The following EYA4 variants were observed in gnomAD, a reference collection of about 807,000 sequenced individuals.
The protein encoded by EYA4 is EYA transcriptional coactivator and phosphatase 4.
In EYA4, 31 loss-of-function variants were observed where a neutral mutation model predicts 87.9. The ratio of observed to expected loss-of-function variants is 0.35; its 90% confidence interval spans 0.27 to 0.48. The LOEUF is 0.48. Ranked by LOEUF, EYA4 falls within the 20% of genes least tolerant of loss-of-function variation. EYA4 has a pLI of 0.99. For synonymous variants in EYA4, 263 were observed against 270.6 expected (o/e 0.97, Z 0.28); for missense variants, 678 against 761.4 (o/e 0.89, Z 1.29).
In EYA4 at chr6:133,422,509, C is replaced by T. The variant is rs998117796; in HGVS notation, c.84-24121C>T. Among the ~76,000 whole-genome samples, 3 of 152,264 alleles carry T rather than the reference C, an allele frequency of 2.0e-5. No individual in the cohort carries two copies. In the East Asian group the frequency reaches 5.8e-4, roughly 29 times the overall value. ...TTGTAATTATATGGCATAGACTATG[C>T]TCTCTTTTAGATAGACATTTAAGTT... is the stretch of plus-strand genomic sequence containing the variant. On this transcript the variant is annotated intron_variant, in intron 3 of 19. Transcript: ENST00000355286.
intron 1 of EYA4, among the ~76,000 whole-genome samples, chr6:133,266,350 AC>A (rs1356892287): frequency 1.3e-5 from 2 of 152,078 alleles, no homozygotes; most frequent in African/African-American, 2.4e-5. Context: ...ATGGCCAGCA[AC>A]CCCCAGAAGC....
At chr6:133,491,951 CAAAAAAAAA>C (rs34316449) in intron 13 of EYA4, among the ~76,000 whole-genome samples, 2 of 83,740 alleles carry the variant, frequency 2.4e-5, no homozygotes, top group South Asian at 5.0e-4. Flanking sequence ...AACTCCGTCT[CAAAAAAAAA>C]AAAAAAAAAA....
In EYA4 at chr6:133,529,564, T is replaced by C. The variant is rs1208705842; in HGVS notation, c.*759T>C. 1 of 979,418 alleles carries C rather than the reference T, an allele frequency of 1.0e-6. No individual in the cohort carries two copies. The highest frequency in any genetic ancestry group is 1.8e-5 in the African/African-American group (1 of 56,200). 60.7% of individuals were successfully genotyped at this position (979,418 alleles called of 1,614,324 possible). A position where few individuals can be genotyped will look rare whatever the true frequency, so the allele number is the denominator to read the frequency against. The stretch of plus-strand genomic sequence containing the variant: ...AAAACCTTTGTGATGATTCTTAACA[T>C]GACCAAATTTAAAAGTCAAGCTCTC... On this transcript the variant is annotated 3_prime_UTR_variant, in exon 20 of 20. Coordinates refer to ENST00000355286, the MANE Select transcript of EYA4 (RefSeq NM_004100.5).
intron 3 of EYA4, among the ~76,000 whole-genome samples, chr6:133,419,012 A>G (rs1789989441): frequency 6.6e-6 from 1 of 152,150 alleles, no homozygotes; most frequent in South Asian, 2.1e-4. Context: ...CACTCATAGG[A>G]CATAGGGTGG....
chr6:133,496,843 G>A (rs1797684616), intron 13 of EYA4, among the ~76,000 whole-genome samples: 2 of 152,174 alleles, frequency 1.3e-5, no homozygotes, highest in Admixed American at 1.3e-4. Context: ...AAAGGCAGAT[G>A]TTTTCAGACC....
At chr6:133,495,382 ATATT>A (rs1405463724) in intron 13 of EYA4, among the ~76,000 whole-genome samples, 11 of 148,252 alleles carry the variant, frequency 7.4e-5, no homozygotes, top group Admixed American at 1.3e-4. Context: ...AAATATAAAT[ATATT>A]CATTTATTTA....
At chr6:133,356,671 G>GAA (rs1156886406) in intron 2 of EYA4, among the ~76,000 whole-genome samples, 1 of 151,150 alleles carries the variant, frequency 6.6e-6, no homozygotes, top group East Asian at 1.9e-4. Flanking sequence ...TAGTGAATGT[G>GAA]AAAGAGTTAT....
At chr6:133,524,536 TAGC>T (rs1800460688) in intron 18 of EYA4, among the ~76,000 whole-genome samples, 1 of 152,192 alleles carries the variant, frequency 6.6e-6, no homozygotes, top group African/African-American at 2.4e-5. Flanking sequence ...ACAGCACCCT[TAGC>T]AGAAGTTATT....
intron 2 of EYA4, among the ~76,000 whole-genome samples, chr6:133,297,685 C>T (rs575795326): frequency 7.4e-4 from 112 of 152,330 alleles, no homozygotes; most frequent in South Asian, 4.1e-3. Flanking sequence ...TCCTTACTTT[C>T]CTGCCATCCC....
At chr6:133,428,911 C>CTTTT (rs58727159) in intron 3 of EYA4, among the ~76,000 whole-genome samples, 4,467 of 47,952 alleles carry the variant, frequency 0.093, 1,512 homozygotes, top group Non-Finnish European at 0.12. Context: ...GATTTAGCTT[C>CTTTT]TTTTTTTTTT....
At chr6:133,520,580 A>G (rs1328831703) in intron 17 of EYA4, among the ~76,000 whole-genome samples, 1 of 124,456 alleles carries the variant, frequency 8.0e-6, no homozygotes, top group African/African-American at 3.1e-5. Flanking sequence ...TTACAGATTC[A>G]ATGCCATCCC....
intron 2 of EYA4, among the ~76,000 whole-genome samples, chr6:133,322,611 G>A (rs1345707763): frequency 2.6e-5 from 4 of 152,050 alleles, no homozygotes; most frequent in Admixed American, 2.6e-4. Context: ...TAGTAGCTGG[G>A]CCTAATTTTC....
At chr6:133,326,549 G>C (rs1432163697) in intron 2 of EYA4, among the ~76,000 whole-genome samples, 1 of 152,176 alleles carries the variant, frequency 6.6e-6, no homozygotes, top group African/African-American at 2.4e-5. Flanking sequence ...GTGTGTTATT[G>C]GTGTGGACCA....
chr6:133,394,554 T>G (rs542958752), intron 3 of EYA4, among the ~76,000 whole-genome samples: 1 of 151,906 alleles, frequency 6.6e-6, no homozygotes, highest in Non-Finnish European at 1.5e-5. Context: ...ACAGACATAT[T>G]TGAGAATTAC....
At chr6:133,518,334 G>C (rs2128798538) in intron 17 of EYA4, among the ~76,000 whole-genome samples, 1 of 152,182 alleles carries the variant, frequency 6.6e-6, no homozygotes, top group East Asian at 1.9e-4. Flanking sequence ...ACAAGGAAGG[G>C]AGGAGAAAAA....
chr6:133,398,419 T>C (rs1486552231), intron 3 of EYA4, among the ~76,000 whole-genome samples: 1 of 152,242 alleles, frequency 6.6e-6, no homozygotes, highest in African/African-American at 2.4e-5. Context: ...TTGAAGCTGT[T>C]ATCAGTTGGT....
chr6:133,525,668 G>A (rs1800580135), intron 19 of EYA4, among the ~76,000 whole-genome samples: 2 of 152,094 alleles, frequency 1.3e-5, no homozygotes, highest in South Asian at 4.1e-4. Context: ...TTAAGCACAT[G>A]AAATTTAGCA....
intron 11 of EYA4, among the ~76,000 whole-genome samples, chr6:133,472,861 T>C (rs1342234413): frequency 6.8e-6 from 1 of 146,358 alleles, no homozygotes; most frequent in African/African-American, 2.5e-5. Flanking sequence ...GCCTTCTTTG[T>C]CTCTTTTGAT....
chr6:133,453,909 A>T (rs1401006297), intron 5 of EYA4, among the ~76,000 whole-genome samples: 1 of 152,112 alleles, frequency 6.6e-6, no homozygotes, highest in African/African-American at 2.4e-5. Context: ...GCAAACCTTT[A>T]AAATTTTAAT....
Sources: gnomAD v4.1 joint callset for allele counts (sites outside exome capture counted in the v4.1 genomes callset) on GRCh38, gnomAD v4.1.1 for gene constraint, MANE v1.5 for transcripts, NCBI Gene and HGNC (gene_info 2026-07-23, HGNC 2026-07-21) for gene names.